Variants in UBE3C observed in about 807,000 individuals in gnomAD.
UBE3C encodes ubiquitin protein ligase E3C.
In UBE3C, 42 loss-of-function variants were observed where a neutral mutation model predicts 129.4. That is an observed-to-expected ratio of 0.32 (90% CI 0.25 to 0.42). The LOEUF is 0.42. Ranked by LOEUF, UBE3C falls within the 10% of genes least tolerant of loss-of-function variation. UBE3C has a pLI of 1.00. For missense variants in UBE3C, 1,049 were observed against 1,319.1 expected (o/e 0.80, Z 3.17); for synonymous variants, 510 against 492.4 (o/e 1.04, Z -0.47).
intron 13 of UBE3C, among the ~76,000 whole-genome samples, chr7:157,214,813 G>A (rs976519713): frequency 2.6e-5 from 4 of 152,182 alleles, no homozygotes; most frequent in South Asian, 2.1e-4. Flanking sequence ...TCAAGAATTA[G>A]TGTATTAGGT....
At chr7:157,259,421 T>C (rs565026253) in intron 22 of UBE3C, among the ~76,000 whole-genome samples, 1 of 152,362 alleles carries the variant, frequency 6.6e-6, no homozygotes, top group Non-Finnish European at 1.5e-5. Context: ...AGTGTACAGA[T>C]GGCAACATAT....
chr7:157,173,389 C>G (rs768558474), intron 4 of UBE3C, among the ~76,000 whole-genome samples: 2 of 152,116 alleles, frequency 1.3e-5, no homozygotes, highest in Admixed American at 6.5e-5. Flanking sequence ...AGCATAGATG[C>G]GATAGCAATA....
rs927898921 is a variant in UBE3C, at chr7:157,199,843, T to G, written c.1332-1878T>G. The stretch of plus-strand genomic sequence containing the variant: ...CAGACAGCATACTTAGTTACCTGTC[T>G]TAATTGGTCTCCTTTAACTTGTATT... On this transcript the variant is annotated intron_variant, in intron 10 of 22. Transcript: ENST00000348165. 1.3e-5 allele frequency among the ~76,000 whole-genome samples: 2 copies of G among 152,220 alleles called. 1 individual carries two copies. The highest frequency in any genetic ancestry group is 1.3e-4 in the Admixed American group (2 of 15,280).
chr7:157,260,322 C>T (rs1278513725), intron 22 of UBE3C, among the ~76,000 whole-genome samples: 2 of 152,212 alleles, frequency 1.3e-5, no homozygotes, highest in East Asian at 1.9e-4. Flanking sequence ...AACGCTGCCG[C>T]CTACAAGCAA....
chr7:157,231,173 T>G lies in UBE3C; in HGVS notation c.2327T>G (p.Phe776Cys). ...GIDGGGIFRE[F>C]LNELLKSGFN... The stretch of plus-strand genomic sequence containing the variant: ...GATGGTGGTGGTATTTTCAGAGAGT[T>G]TTTAAATGAACTACTGAAGTCAGGA... Residue 776 changes from phenylalanine (F) to cysteine (C), a missense_variant, in exon 18 of 23, where the codon TTT becomes TGT. Physicochemically the swap from Phe to Cys is radical, Grantham distance 205 (BLOSUM62 -2). Transcript: ENST00000348165. 6.2e-7 allele frequency: 1 copy of G among 1,613,940 alleles called. No homozygotes were observed. The highest frequency in any genetic ancestry group is 8.5e-7 in the Non-Finnish European group (1 of 1,180,000).
intron 11 of UBE3C, among the ~76,000 whole-genome samples, 163 bp from the exon 12 acceptor site, chr7:157,207,235 C>A (rs532189381): frequency 1.3e-5 from 2 of 152,142 alleles, no homozygotes; most frequent in African/African-American, 2.4e-5. Flanking sequence ...TGTTTATTAA[C>A]CTGCATTGCC....
chr7:157,247,259 C>T (rs981330351), intron 18 of UBE3C, among the ~76,000 whole-genome samples: 9 of 152,102 alleles, frequency 5.9e-5, no homozygotes, highest in African/African-American at 2.2e-4. Context: ...CATTCCTTTA[C>T]CTTAAGTTAA....
At chr7:157,247,029 T>G (rs1796494898) in intron 18 of UBE3C, among the ~76,000 whole-genome samples, 1 of 152,170 alleles carries the variant, frequency 6.6e-6, no homozygotes, top group African/African-American at 2.4e-5. Flanking sequence ...TAGCTGGGAT[T>G]ATAGGCATAT....
rs927439896 is a variant in UBE3C at position 157,169,179 on chromosome 7, A to T, written c.195+57A>T. On this transcript the variant is annotated intron_variant, in intron 3 of 22. Coordinates refer to ENST00000348165, the MANE Select transcript of UBE3C (RefSeq NM_014671.3). ...GGGCATGGGAGAGCTTATTTTAAAT[A>T]TGGTATCTTTGTACACCTTGTTAAT... 2.3e-5 allele frequency: 32 copies of T among 1,391,728 alleles called. No individual in the cohort carries two copies. The Middle Eastern group carries it at 7.7e-4, about 34-fold the overall frequency. 86.2% of individuals were successfully genotyped at this position (1,391,728 alleles called of 1,614,324 possible). A position where few individuals can be genotyped will look rare whatever the true frequency, so the allele number is the denominator to read the frequency against.
intron 17 of UBE3C, among the ~76,000 whole-genome samples, chr7:157,230,149 A>G (rs1278143947): frequency 1.3e-5 from 2 of 149,948 alleles, no homozygotes; most frequent in Non-Finnish European, 3.0e-5. Flanking sequence ...CCTCAAGGCG[A>G]TCCGCCCACC....
At chr7:157,247,875 C>T (rs1047936549) in intron 18 of UBE3C, among the ~76,000 whole-genome samples, 1 of 152,108 alleles carries the variant, frequency 6.6e-6, no homozygotes, top group African/African-American at 2.4e-5. Context: ...TCCTAATACC[C>T]CATCCTGTGG....
In UBE3C at chr7:157,223,270, G is replaced by A. The variant is rs62001024; in HGVS notation, c.2019G>A (p.Pro673=). The A allele has an allele frequency of 1.3e-4, 207 of 1,614,110 alleles. 1 individual carries two copies. In the African/African-American group the frequency reaches 2.4e-3, roughly 18 times the overall value. ...QSTLDVGLES[P]PLSVSEERQL... is the part of the protein sequence containing the mutation. ...GTGTTTTAGTGGGTTTGGAGTCCCC[G>A]CCGCTGTCTGTGTCTGAGGAAAGAC... The change falls in exon 16 of 23, where the codon CCG becomes CCA. Residue 673 remains proline, a synonymous_variant. Transcript: ENST00000348165.
chr7:157,194,699 T>C (rs181472246), intron 10 of UBE3C, among the ~76,000 whole-genome samples: 3 of 152,258 alleles, frequency 2.0e-5, no homozygotes, highest in East Asian at 1.9e-4. Context: ...TCATCATGAA[T>C]AGACTGTTGG....
intron 1 of UBE3C, among the ~76,000 whole-genome samples, chr7:157,152,538 G>A (rs1279920413): frequency 2.0e-5 from 3 of 152,068 alleles, no homozygotes; most frequent in Admixed American, 6.6e-5. Flanking sequence ...AGATCCTTGC[G>A]CTCCTCACTA....
intron 21 of UBE3C, among the ~76,000 whole-genome samples, chr7:157,256,339 C>T (rs1353902228): frequency 6.6e-6 from 1 of 152,082 alleles, no homozygotes; most frequent in Non-Finnish European, 1.5e-5. Flanking sequence ...GACAGGGTTT[C>T]ACCATGTTGG....
At chr7:157,184,453 T>C (rs767031321) in intron 9 of UBE3C, among the ~76,000 whole-genome samples, 3 of 152,222 alleles carry the variant, frequency 2.0e-5, no homozygotes, top group African/African-American at 4.8e-5. Flanking sequence ...CAAGTTCTTA[T>C]CTCTTTTCTT....
chr7:157,207,840 T>G lies in UBE3C; in HGVS notation c.1714T>G (p.Tyr572Asp). 1.9e-6 allele frequency: 3 copies of G among 1,614,078 alleles called. No homozygotes were observed. Among genetic ancestry groups the G allele is most frequent in the Non-Finnish European group, 2.5e-6 (3 of 1,180,002 alleles). Residue 572 changes from tyrosine to aspartate, a missense_variant, in exon 13 of 23, where the codon TAT becomes GAT. Around this residue, in one of 4 missense-constraint regions of UBE3C, gnomAD observed 314 missense variants for 416.9 expected, o/e 0.75. Transcript: ENST00000348165. Reference protein sequence around the residue: ...PETKPEVREEYITAFQSIGVT... With the variant: ...PETKPEVREEDITAFQSIGVT... ...AACCAAGCCAGAAGTTCGAGAAGAA[T>G]ATATTACAGCATTTCAGAGTATTGG...
chr7:157,243,997 C>T (rs575431442), intron 18 of UBE3C, among the ~76,000 whole-genome samples: 5 of 152,108 alleles, frequency 3.3e-5, no homozygotes, highest in South Asian at 4.2e-4. Flanking sequence ...TTTGGGAGGC[C>T]GAGGCGGGTG....
At chr7:157,216,563 G>T (rs1454699565) in intron 13 of UBE3C, among the ~76,000 whole-genome samples, 1 of 151,920 alleles carries the variant, frequency 6.6e-6, no homozygotes, top group Non-Finnish European at 1.5e-5. Context: ...GTGTTCATGG[G>T]TTCTTATCAT....
Sources: allele counts gnomAD v4.1 joint callset (sites outside exome capture counted in the v4.1 genomes callset), GRCh38; gene constraint gnomAD v4.1.1; regional missense constraint gnomAD v4.1.1; transcripts MANE v1.5; gene names NCBI Gene and HGNC (gene_info 2026-07-23, HGNC 2026-07-21).